Variants in KIF21A observed in about 807,000 individuals in gnomAD.
KIF21A encodes kinesin family member 21A.
Under a neutral mutation model 202.9 loss-of-function variants are expected in KIF21A, and 114 were observed. The observed-to-expected ratio is 0.56, with a 90% CI of 0.48 to 0.66. The LOEUF (loss-of-function observed/expected upper bound fraction) is 0.66. KIF21A is among the 30% of genes least tolerant of loss of function. The pLI is 0.00. For synonymous variants in KIF21A, 667 were observed against 670.8 expected (o/e 0.99, Z 0.09); for missense variants, 1,677 against 1,994.9 (o/e 0.84, Z 3.04).
intron 35 of KIF21A, among the ~76,000 whole-genome samples, chr12:39,303,372 T>G (rs753313209): frequency 6.6e-6 from 1 of 152,200 alleles, no homozygotes; most frequent in Non-Finnish European, 1.5e-5. Context: ...GCAATCATAC[T>G]GCACAGCTGC....
intron 1 of KIF21A, among the ~76,000 whole-genome samples, chr12:39,431,418 A>G (rs912185850): frequency 6.6e-6 from 1 of 152,216 alleles, no homozygotes; most frequent in African/African-American, 2.4e-5. Flanking sequence ...CCAAGTTTGG[A>G]CAAGTAAAAT....
chr12:39,331,509 T>C (rs1018653798), intron 22 of KIF21A, among the ~76,000 whole-genome samples, 181 bp downstream of exon 22: 1 of 152,218 alleles, frequency 6.6e-6, no homozygotes, highest in East Asian at 1.9e-4. Context: ...AACATGCTAA[T>C]GAAATTGATC....
intron 31 of KIF21A, 63 bp from the exon 32 acceptor site, chr12:39,311,616 G>A (rs997510058): frequency 1.3e-6 from 2 of 1,566,534 alleles, no homozygotes; most frequent in Non-Finnish European, 1.8e-6. Flanking sequence ...TATATCATGA[G>A]ACTAGTTTTG....
intron 1 of KIF21A, among the ~76,000 whole-genome samples, chr12:39,436,446 ATATT>A (rs1301851638): frequency 1.7e-4 from 18 of 104,332 alleles, no homozygotes; most frequent in African/African-American, 7.6e-4. Context: ...ATATATATAT[ATATT>A]TTTTTTTTTT....
chr12:39,352,392 T>C (rs1189834460), intron 10 of KIF21A, among the ~76,000 whole-genome samples: 1 of 152,148 alleles, frequency 6.6e-6, no homozygotes, highest in African/African-American at 2.4e-5. Context: ...AAAATAATCA[T>C]AAAAGAATGC....
intron 14 of KIF21A, 133 bp downstream of exon 14, chr12:39,341,372 G>GA: frequency 1.2e-6 from 1 of 831,504 alleles, no homozygotes; most frequent in Non-Finnish European, 1.9e-6. Context: ...ATAAGCCTTG[G>GA]AAGGCAAATG....
At chr12:39,432,610 A>G (rs959433736) in intron 1 of KIF21A, among the ~76,000 whole-genome samples, 1 of 151,338 alleles carries the variant, frequency 6.6e-6, no homozygotes, top group Admixed American at 6.6e-5. Context: ...ATAAAGATGG[A>G]CAAATTCTTT....
rs555104249 is a variant in KIF21A, at chr12:39,389,403, T to C, written c.45-19142A>G. 2.0e-5 allele frequency among the ~76,000 whole-genome samples: 3 copies of C among 152,270 alleles called. No individual in the cohort carries two copies. The South Asian group carries it at 6.2e-4, about 32-fold the overall frequency. Reference sequence around the variant, plus strand: ...ATATGGAATCATCCATGACACAAATTAGCTCAAAGGAACAACATGTGGTAT... The same window carrying C: ...ATATGGAATCATCCATGACACAAATCAGCTCAAAGGAACAACATGTGGTAT... On this transcript the variant is annotated intron_variant, in intron 1 of 37. Transcript: ENST00000361418.
chr12:39,333,122 A>G lies in KIF21A; in HGVS notation c.2488-15T>C. The G allele has an allele frequency of 6.2e-7, 1 of 1,611,476 alleles. No homozygotes were observed. The highest frequency in any genetic ancestry group is 8.5e-7 in the Non-Finnish European group (1 of 1,177,642). ...AGAGCCGTAACCTGAAATTGCAGCA[A>G]AGGTTGACTCATTCTCTTAGTCTAT... On this transcript the variant is annotated splice_polypyrimidine_tract_variant and intron_variant, in intron 18 of 37. Coordinates refer to ENST00000361418, the MANE Select transcript of KIF21A (RefSeq NM_001173464.2).
intron 10 of KIF21A, among the ~76,000 whole-genome samples, chr12:39,354,592 A>T (rs773724380): frequency 1.2e-4 from 18 of 152,196 alleles, no homozygotes; most frequent in Non-Finnish European, 2.9e-5. Context: ...GGTAACTACT[A>T]TTCATTTACA....
At chr12:39,437,955 G>C (rs1348169586) in intron 1 of KIF21A, among the ~76,000 whole-genome samples, 2 of 152,042 alleles carry the variant, frequency 1.3e-5, no homozygotes, top group Non-Finnish European at 2.9e-5. Context: ...TATATCTAGA[G>C]TTTCAACTTA....
intron 29 of KIF21A, among the ~76,000 whole-genome samples, chr12:39,316,348 T>C (rs750546172): frequency 6.6e-5 from 10 of 151,782 alleles, no homozygotes; most frequent in Admixed American, 2.6e-4. Flanking sequence ...TCAATAACTG[T>C]TGATCAATTT....
intron 1 of KIF21A, among the ~76,000 whole-genome samples, chr12:39,440,466 TAA>T (rs1419603589): frequency 6.6e-6 from 1 of 152,138 alleles, no homozygotes; most frequent in African/African-American, 2.4e-5. Context: ...GAGGAATAAA[TAA>T]GACTTTACAT....
Position 39,322,766 on chromosome 12 carries a change from T to G in KIF21A, c.3573A>C (p.Glu1191Asp). ...SLPGPLTPVAEGQEIGMNTET... is the reference protein window; with the variant it reads ...SLPGPLTPVADGQEIGMNTET... ...CTGTATTCATTCCAATCTCTTGCCC[T>G]TCTGCAACAGGTGTGAGAGGGCCAG... is the stretch of plus-strand genomic sequence containing the variant. The change falls in exon 27 of 38, where the codon GAA (glutamate) becomes GAC (aspartate). Residue 1191 changes from glutamate to aspartate, a missense_variant. By Grantham distance (45) the Glu-to-Asp change is conservative. This residue lies in a region of KIF21A where 705 missense variants were observed against 791.9 expected (regional missense o/e 0.89). Coordinates refer to ENST00000361418, the MANE Select transcript of KIF21A (RefSeq NM_001173464.2). 1 of 1,614,200 alleles carries G rather than the reference T, an allele frequency of 6.2e-7. No homozygotes were observed. Among genetic ancestry groups the G allele is most frequent in the Non-Finnish European group, 8.5e-7 (1 of 1,180,028 alleles).
intron 28 of KIF21A, among the ~76,000 whole-genome samples, chr12:39,318,807 C>T (rs574134557): frequency 6.6e-6 from 1 of 152,130 alleles, no homozygotes; most frequent in African/African-American, 2.4e-5. Context: ...GGTGAAACCC[C>T]GTCCCTACTA....
In KIF21A at chr12:39,357,366, C is replaced by T; in HGVS notation, c.1287G>A (p.Gln429=). The change falls in exon 9 of 38, where the codon CAG becomes CAA. Residue 429 remains glutamine, a synonymous_variant. Transcript: ENST00000361418. The part of the protein sequence containing the change: ...NDMFHENAML[Q]TENNNLRVRI... The stretch of plus-strand genomic sequence containing the variant: ...TTACACGCAGGTTATTATTTTCAGT[C>T]TGTAGCATAGCATTCTCATGAAACA... The T allele has an allele frequency of 6.2e-7, 1 of 1,614,100 alleles. No homozygotes were observed. The highest frequency in any genetic ancestry group is 8.5e-7 in the Non-Finnish European group (1 of 1,179,950).
intron 37 of KIF21A, among the ~76,000 whole-genome samples, chr12:39,297,270 A>G (rs1041363926): frequency 6.6e-6 from 1 of 152,192 alleles, no homozygotes; most frequent in African/African-American, 2.4e-5. Flanking sequence ...TCATGCTGCT[A>G]TAAAGACACA....
chr12:39,309,803 A>T (rs775216301), intron 32 of KIF21A, 37 bp from the exon 33 acceptor site: 5 of 1,524,394 alleles, frequency 3.3e-6, no homozygotes, highest in Admixed American at 1.7e-5. Flanking sequence ...AACACCATTA[A>T]TATGAACTAC....
rs1320200803 is a variant in KIF21A, at chr12:39,337,031, A to G, written c.2418+65T>C. On this transcript the variant is annotated intron_variant, in intron 17 of 37. Coordinates refer to ENST00000361418, the MANE Select transcript of KIF21A (RefSeq NM_001173464.2). The stretch of plus-strand genomic sequence containing the variant: ...TATGGTTACCAGAAATTTTTCCTCC[A>G]TTTATTAAACAATCTTTTTCAACGT... 3.1e-5 allele frequency: 35 copies of G among 1,139,858 alleles called. No individual in the cohort carries two copies. The Admixed American group carries it at 6.1e-4, about 20-fold the overall frequency. The allele number at this position is 1,139,858 out of a possible 1,614,324, so 70.6% of individuals were successfully genotyped here.
Sources: allele counts gnomAD v4.1 joint callset (sites outside exome capture counted in the v4.1 genomes callset), GRCh38; gene constraint gnomAD v4.1.1; regional missense constraint gnomAD v4.1.1; transcripts MANE v1.5; gene names NCBI Gene and HGNC (gene_info 2026-07-23, HGNC 2026-07-21).